Variants in RABEP1 observed in about 807,000 individuals in gnomAD.
The protein encoded by RABEP1 is rabaptin, RAB GTPase binding effector protein 1.
A neutral mutation model predicts 123.4 loss-of-function variants in RABEP1; 51 were observed. The observed-to-expected ratio is 0.41, with a 90% CI of 0.33 to 0.52. The LOEUF is 0.52. Among genes scored for constraint, RABEP1 ranks in the 20% least tolerant of loss-of-function variants. The probability of loss-of-function intolerance (pLI) is 0.16; values close to 1 mark genes in which losing one functional copy is unlikely to be tolerated. For synonymous variants in RABEP1, 347 were observed against 355.2 expected (o/e 0.98, Z 0.26); for missense variants, 888 against 996.3 (o/e 0.89, Z 1.46).
chr17:5,331,490 T>G (rs1906542272), intron 2 of RABEP1, among the ~76,000 whole-genome samples: 1 of 152,192 alleles, frequency 6.6e-6, no homozygotes, highest in Admixed American at 6.5e-5. Flanking sequence ...GCCGAGAAAT[T>G]AATGCTAACT....
chr17:5,361,418 G>T lies in RABEP1; in HGVS notation c.1306G>T (p.Glu436Ter). 6.2e-7 allele frequency: 1 copy of T among 1,614,154 alleles called. No individual in the cohort carries two copies. The highest frequency in any genetic ancestry group is 8.5e-7 in the Non-Finnish European group (1 of 1,180,012). The change falls in exon 9 of 18, where the codon GAG (glutamate) becomes TAG (stop). Residue 436 changes from glutamate (E) to a stop codon, truncating the protein, a stop_gained. Coordinates refer to ENST00000537505, the MANE Select transcript of RABEP1 (RefSeq NM_004703.6). LOFTEE classifies it high-confidence loss of function. ...AGCAAAATCTGCTGGAAACCTGGAC[G>T]AGTCAGATTTTGGACCACTGGTAGG... ...YKAKSAGNLD[E>*]SDFGPLVGAD...
chr17:5,368,250 A>G (rs1268440835), intron 11 of RABEP1, 120 bp from the exon 12 acceptor site: 1 of 687,550 alleles, frequency 1.5e-6, no homozygotes, highest in Non-Finnish European at 2.5e-6. Context: ...GATGATGGTC[A>G]GTGGTTCCCA....
intron 3 of RABEP1, 74 bp downstream of exon 3, chr17:5,332,226 A>T: frequency 1.5e-6 from 2 of 1,348,770 alleles, no homozygotes; most frequent in Non-Finnish European, 2.1e-6. Flanking sequence ...ATTTTCAGAG[A>T]ATCTTAAAAT....
chr17:5,344,671 C>G (rs773499640), intron 5 of RABEP1, among the ~76,000 whole-genome samples: 5 of 143,674 alleles, frequency 3.5e-5, no homozygotes, highest in Non-Finnish European at 6.0e-5. Context: ...ACTTGGGAGG[C>G]TGAGTCAGGA....
At chr17:5,343,676 T>C in intron 5 of RABEP1, among the ~76,000 whole-genome samples, 1 of 108,808 alleles carries the variant, frequency 9.2e-6, no homozygotes. Flanking sequence ...TTCTCTTTTT[T>C]TTTTTTTTTT....
At chr17:5,310,841 GC>G (rs1567874218) in intron 2 of RABEP1, among the ~76,000 whole-genome samples, 5 of 145,160 alleles carry the variant, frequency 3.4e-5, no homozygotes, top group African/African-American at 1.3e-4. Context: ...ACCGAGTCTC[GC>G]TGTGTTGTCC....
chr17:5,330,256 G>C (rs895556411), intron 2 of RABEP1, among the ~76,000 whole-genome samples: 1 of 152,088 alleles, frequency 6.6e-6, no homozygotes, highest in African/African-American at 2.4e-5. Flanking sequence ...GTCTTTAAGG[G>C]ACTTCACACA....
chr17:5,377,677 T>C (rs1478653397), intron 14 of RABEP1, among the ~76,000 whole-genome samples: 1 of 152,032 alleles, frequency 6.6e-6, no homozygotes, highest in Admixed American at 6.6e-5. Context: ...CAGGCATGTG[T>C]GCCAGCACAC....
At chr17:5,353,693 C>A (rs1908764123) in intron 7 of RABEP1, among the ~76,000 whole-genome samples, 1 of 151,788 alleles carries the variant, frequency 6.6e-6, no homozygotes. Flanking sequence ...GCAAAAAAAC[C>A]AAAAAATTAG....
At chr17:5,291,283 A>G (rs28405323) in intron 1 of RABEP1, among the ~76,000 whole-genome samples, 93,127 of 151,868 alleles carry the variant, frequency 0.61, 30,253 homozygotes, top group East Asian at 0.96. Context: ...GGTGGTGGGC[A>G]CGTGTAACCC....
chr17:5,294,703 A>G (rs1332935749), intron 1 of RABEP1, among the ~76,000 whole-genome samples: 1 of 116,490 alleles, frequency 8.6e-6, no homozygotes, highest in Admixed American at 1.3e-4. Flanking sequence ...GCTGGAGTGC[A>G]GTGGCGCGAT....
intron 13 of RABEP1, 59 bp downstream of exon 13, chr17:5,373,513 A>T: frequency 6.7e-7 from 1 of 1,494,454 alleles, no homozygotes; most frequent in South Asian, 1.3e-5. Flanking sequence ...AAATGGCCGT[A>T]TGTTCTTTAT....
intron 1 of RABEP1, among the ~76,000 whole-genome samples, chr17:5,307,088 G>T: frequency 6.6e-6 from 1 of 152,222 alleles, no homozygotes; most frequent in East Asian, 1.9e-4. Flanking sequence ...GGAGGCCGAG[G>T]TGGGTGGATC....
At chr17:5,317,744 C>G (rs1384051214) in intron 2 of RABEP1, among the ~76,000 whole-genome samples, 1 of 151,950 alleles carries the variant, frequency 6.6e-6, no homozygotes, top group East Asian at 1.9e-4. Flanking sequence ...GGCTGGCAGC[C>G]CCTAGGTAAT....
chr17:5,358,279 T>C (rs939984644), intron 8 of RABEP1, among the ~76,000 whole-genome samples: 2 of 144,846 alleles, frequency 1.4e-5, no homozygotes, highest in African/African-American at 5.2e-5. Context: ...TCGTTATAAG[T>C]AATGTCATAA....
intron 2 of RABEP1, among the ~76,000 whole-genome samples, chr17:5,323,354 A>G (rs570585001): frequency 2.1e-4 from 32 of 152,312 alleles, no homozygotes; most frequent in African/African-American, 6.3e-4. Flanking sequence ...AATTGCAGCC[A>G]GAACACTTAG....
rs778283444 is a variant in RABEP1, at chr17:5,386,235, T to G, written c.*3012T>G. The G allele has an allele frequency of 1.2e-6, 2 of 1,613,524 alleles. No homozygotes were observed. Among genetic ancestry groups the G allele is most frequent in the South Asian group, 2.2e-5 (2 of 90,938 alleles). ...AAGTTTACATGATTGCGGATATCATTGATTTGCTTCACCATTTCCCTTATA... is the reference window on the plus strand; with the variant it reads ...AAGTTTACATGATTGCGGATATCATGGATTTGCTTCACCATTTCCCTTATA... On this transcript the variant is annotated 3_prime_UTR_variant, in exon 18 of 18. Transcript: ENST00000537505.
intron 2 of RABEP1, among the ~76,000 whole-genome samples, chr17:5,322,158 C>T (rs554335175): frequency 6.6e-6 from 1 of 152,154 alleles, no homozygotes; most frequent in East Asian, 1.9e-4. Context: ...TGAGATTGCG[C>T]CATTGCACTC....
At chr17:5,317,628 TATATATA>T (rs573485141) in intron 2 of RABEP1, among the ~76,000 whole-genome samples, 2 of 3,146 alleles carry the variant, frequency 6.4e-4, no homozygotes, top group South Asian at 0.033. Flanking sequence ...CTGGAAAGGA[TATATATA>T]TATATATATA....
Sources: allele counts gnomAD v4.1 joint callset (sites outside exome capture counted in the v4.1 genomes callset), GRCh38; gene constraint gnomAD v4.1.1; transcripts MANE v1.5; gene names NCBI Gene and HGNC (gene_info 2026-07-23, HGNC 2026-07-21).